Variants in SLAMF1 observed in about 807,000 individuals in gnomAD.
SLAMF1 encodes signaling lymphocytic activation molecule family member 1, also known as signaling lymphocytic activation molecule.
A neutral mutation model predicts 35.1 loss-of-function variants in SLAMF1; 18 were observed. That is an observed-to-expected ratio of 0.51 (90% confidence interval 0.35 to 0.76). The LOEUF (loss-of-function observed/expected upper bound fraction) is 0.76, where lower values mean the gene tolerates loss of function less well. SLAMF1 is among the 30% of genes least tolerant of loss of function. The probability of loss-of-function intolerance (pLI) is 0.01; values close to 1 mark genes in which losing one functional copy is unlikely to be tolerated. For synonymous variants in SLAMF1, 168 were observed against 157.2 expected, an observed-to-expected ratio of 1.07 and a Z score of -0.51; for missense variants, 392 against 413.0, an observed-to-expected ratio of 0.95 and a Z score of 0.44.
intron 5 of SLAMF1, among the ~76,000 whole-genome samples, chr1:160,615,160 T>C (rs184298930): frequency 1.6e-4 from 25 of 152,162 alleles, no homozygotes; most frequent in Admixed American, 2.6e-4. Flanking sequence ...TATATTGATA[T>C]AATAAAGACA....
rs760020299 is a variant in SLAMF1, at chr1:160,637,280, T to C, written c.326A>G (p.Glu109Gly). The change falls in exon 2 of 7, where the codon GAA becomes GGA. Residue 109 changes from glutamate to glycine, a missense_variant. Physicochemically the swap from Glu to Gly is moderately conservative, Grantham distance 98. Coordinates refer to ENST00000302035, the MANE Select transcript of SLAMF1 (RefSeq NM_003037.5). ...YLENLTLGIRESRKEDEGWYL... is the reference protein window; with the variant it reads ...YLENLTLGIRGSRKEDEGWYL... ...CCATCCCTCATCCTCCTTCCTGCTT[T>C]CCCGTATCCCCAGGGTGAGATTCTC... The C allele has an allele frequency of 1.9e-6, 3 of 1,614,090 alleles. No homozygotes were observed. The highest frequency in any genetic ancestry group is 2.2e-5 in the South Asian group (2 of 91,078).
intron 3 of SLAMF1, among the ~76,000 whole-genome samples, chr1:160,633,427 G>C (rs974996053): frequency 1.3e-5 from 2 of 152,180 alleles, no homozygotes; most frequent in Non-Finnish European, 2.9e-5. Flanking sequence ...TACTCCAGGG[G>C]AGTCTCTGTG....
chr1:160,625,231 A>G (rs1323335993), intron 3 of SLAMF1, among the ~76,000 whole-genome samples: 1 of 152,220 alleles, frequency 6.6e-6, no homozygotes, highest in Non-Finnish European at 1.5e-5. Context: ...TTCTAAGTAG[A>G]ATATTCGCAC....
chr1:160,636,301 C>T (rs1197599639), intron 2 of SLAMF1, among the ~76,000 whole-genome samples: 2 of 152,102 alleles, frequency 1.3e-5, no homozygotes, highest in Non-Finnish European at 2.9e-5. Context: ...AAAGGGAATG[C>T]TGGGTTGAGG....
rs1309572174 is a variant in SLAMF1 at position 160,609,957 on chromosome 1, T to A, written c.*791A>T. ...AAGTGAAAAATCACCATGGGACAAG[T>A]TCCTCTGAGTATTCCAAGCTCCTTT... On this transcript the variant is annotated 3_prime_UTR_variant, in exon 7 of 7. Transcript: ENST00000302035. The A allele has an allele frequency of 5.6e-6, 1 of 177,422 alleles. No individual in the cohort carries two copies. The highest frequency in any genetic ancestry group is 2.4e-5 in the African/African-American group (1 of 41,610). 11.0% of individuals were successfully genotyped at this position (177,422 alleles called of 1,614,324 possible).
intron 4 of SLAMF1, among the ~76,000 whole-genome samples, chr1:160,623,202 A>T (rs1169518872): frequency 6.6e-6 from 1 of 152,186 alleles, no homozygotes; most frequent in African/African-American, 2.4e-5. Context: ...ATCCTGGGTC[A>T]TCTCACTATT....
intron 3 of SLAMF1, among the ~76,000 whole-genome samples, chr1:160,632,580 G>T (rs925725363): frequency 6.6e-6 from 1 of 152,118 alleles, no homozygotes; most frequent in African/African-American, 2.4e-5. Context: ...ACTTTGGTAT[G>T]CCCTAATTAA....
chr1:160,642,586 C>G lies in SLAMF1; in HGVS notation c.76+4284G>C, dbSNP rs1367795006. ...GGACATAGTAGGAGCTCAGTAAATCCTTGTTGCCCAAGTGAATTAATAAAA... is the reference window on the plus strand; with the variant it reads ...GGACATAGTAGGAGCTCAGTAAATCGTTGTTGCCCAAGTGAATTAATAAAA... On this transcript the variant is annotated intron_variant, in intron 1 of 6. Coordinates refer to ENST00000302035, the MANE Select transcript of SLAMF1 (RefSeq NM_003037.5). The surrounding 1 kb of genome is among the most constrained non-coding windows in gnomAD (Gnocchi z 4.2). 6.6e-6 allele frequency among the ~76,000 whole-genome samples: 1 copy of G among 152,154 alleles called. No homozygotes were observed. Among genetic ancestry groups the G allele is most frequent in the East Asian group, 1.9e-4 (1 of 5,206 alleles).
intron 1 of SLAMF1, 63 bp downstream of exon 1, chr1:160,646,807 G>A (rs1364891194): frequency 2.3e-5 from 21 of 902,616 alleles, no homozygotes; most frequent in Non-Finnish European, 3.9e-5. Flanking sequence ...CTCCATCCAC[G>A]AAGATACGCT....
intron 4 of SLAMF1, chr1:160,623,558 C>T: frequency 2.5e-6 from 1 of 398,824 alleles, no homozygotes. Context: ...ATTTTGACTC[C>T]AGTATTGGTT....
intron 4 of SLAMF1, among the ~76,000 whole-genome samples, chr1:160,621,903 A>G (rs1481855069): frequency 1.4e-5 from 2 of 143,982 alleles, no homozygotes; most frequent in African/African-American, 5.4e-5. Flanking sequence ...GGAGGGGAGG[A>G]CTCAAGAAGC....
intron 1 of SLAMF1, among the ~76,000 whole-genome samples, chr1:160,645,636 G>T (rs1571023272): frequency 6.6e-6 from 1 of 152,182 alleles, no homozygotes; most frequent in Admixed American, 6.5e-5. Context: ...CAAATTGGTT[G>T]CAACAACGGA....
chr1:160,612,634 C>A, intron 5 of SLAMF1, 54 bp from the exon 6 acceptor site: 1 of 1,075,322 alleles, frequency 9.3e-7, no homozygotes. Context: ...CTAGTTCTCA[C>A]CCAACTCTCC....
intron 1 of SLAMF1, among the ~76,000 whole-genome samples, chr1:160,641,200 T>G (rs74792089): frequency 0.014 from 2,065 of 152,262 alleles, 24 homozygotes; most frequent in East Asian, 0.045. Context: ...AAATGCCATC[T>G]CTTAAAGGGA....
At chr1:160,639,810 G>C (rs1365409074) in intron 1 of SLAMF1, among the ~76,000 whole-genome samples, 1 of 151,986 alleles carries the variant, frequency 6.6e-6, no homozygotes, top group Non-Finnish European at 1.5e-5. Flanking sequence ...GGCCCTGCAT[G>C]CCCAGTCCGT....
At chr1:160,625,391 A>G (rs1027910553) in intron 3 of SLAMF1, among the ~76,000 whole-genome samples, 2 of 152,206 alleles carry the variant, frequency 1.3e-5, no homozygotes, top group African/African-American at 2.4e-5. Context: ...TTCCAAAGGA[A>G]AGAATCATGG....
At chr1:160,618,115 T>C (rs889211289) in intron 5 of SLAMF1, among the ~76,000 whole-genome samples, 3 of 152,026 alleles carry the variant, frequency 2.0e-5, no homozygotes, top group Admixed American at 6.6e-5. Context: ...CACTGAAAAA[T>C]GTAATTTCTC....
At chr1:160,635,784 A>AGTGT (rs1660423090) in intron 2 of SLAMF1, among the ~76,000 whole-genome samples, 2 of 150,244 alleles carry the variant, frequency 1.3e-5, no homozygotes, top group South Asian at 4.2e-4. Flanking sequence ...TTTCACCACC[A>AGTGT]TAGCCAGGAT....
At position 160,624,073 on chromosome 1, in the gene SLAMF1, TC is replaced by T; in HGVS notation, c.790+22del. The T allele has an allele frequency of 4.7e-6, 7 of 1,497,214 alleles. No homozygotes were observed. The East Asian group carries it at 1.4e-4, about 29-fold the overall frequency. The allele number at this position is 1,497,214 out of a possible 1,614,324, so 92.7% of individuals were successfully genotyped here. On this transcript the variant is annotated intron_variant, in intron 4 of 6. Coordinates refer to ENST00000302035, the MANE Select transcript of SLAMF1 (RefSeq NM_003037.5). ...CTTACCACAGAGAGTGTGATAAGAA[TC>T]TATTTATTGCCAGACACCTACCTCT...
Sources: gnomAD v4.1 joint callset for allele counts (sites outside exome capture counted in the v4.1 genomes callset) on GRCh38, gnomAD v4.1.1 for gene constraint, Gnocchi (gnomAD v3.1) non-coding constraint, MANE v1.5 for transcripts, NCBI Gene and HGNC (gene_info 2026-07-23, HGNC 2026-07-21) for gene names.